ARHGAP10: variants seen among roughly 807,000 people sequenced by gnomAD.
ARHGAP10 encodes Rho GTPase activating protein 10.
A neutral mutation model predicts 108.6 loss-of-function variants in ARHGAP10; 87 were observed. The observed-to-expected ratio is 0.80, with a 90% CI of 0.67 to 0.96. The LOEUF (loss-of-function observed/expected upper bound fraction) is 0.96. Ranked by LOEUF, ARHGAP10 falls within the 40% of genes least tolerant of loss-of-function variation. The pLI, the probability that ARHGAP10 is intolerant of heterozygous loss-of-function variation, is 0.00. For synonymous variants in ARHGAP10, 347 were observed against 341.1 expected (o/e 1.02, Z -0.19); for missense variants, 939 against 954.5 (o/e 0.98, Z 0.21).
chr4:147,748,105 C>T (rs1729009835), intron 1 of ARHGAP10, among the ~76,000 whole-genome samples: 1 of 152,200 alleles, frequency 6.6e-6, no homozygotes, highest in African/African-American at 2.4e-5. Flanking sequence ...ATAGGGAGCC[C>T]ATGTAATCTA....
intron 3 of ARHGAP10, among the ~76,000 whole-genome samples, chr4:147,842,326 T>C (rs915993931): frequency 6.6e-6 from 1 of 152,188 alleles, no homozygotes; most frequent in Admixed American, 6.5e-5. Context: ...AGGAAAAATA[T>C]AATGACCTAA....
In ARHGAP10 at chr4:147,852,665, G is replaced by C. The variant is rs76569727; in HGVS notation, c.385-4888G>C. ...CATGGGCCGATTGACGTAAACAAAA[G>C]TTTTTATGTCATATTTCTGGTCTCA... On this transcript the variant is annotated intron_variant, in intron 4 of 22. Coordinates refer to ENST00000336498, the MANE Select transcript of ARHGAP10 (RefSeq NM_024605.4). Among the ~76,000 whole-genome samples, 909 of 134,756 alleles carry C rather than the reference G, an allele frequency of 6.7e-3. 12 individuals carry two copies. The highest frequency in any genetic ancestry group is 0.023 in the African/African-American group (855 of 36,940). 88.4% of individuals were successfully genotyped at this position (134,756 alleles called of 152,430 possible). A position where few individuals can be genotyped will look rare whatever the true frequency, so the allele number is the denominator to read the frequency against.
intron 7 of ARHGAP10, among the ~76,000 whole-genome samples, chr4:147,870,747 A>G (rs1157869951): frequency 1.3e-5 from 2 of 152,192 alleles, no homozygotes; most frequent in East Asian, 3.8e-4. Flanking sequence ...TGTCTCCCGA[A>G]GAATGTGGGG....
intron 19 of ARHGAP10, among the ~76,000 whole-genome samples, chr4:148,039,166 G>A (rs1318812034): frequency 6.6e-6 from 1 of 151,830 alleles, no homozygotes; most frequent in Non-Finnish European, 1.5e-5. Flanking sequence ...CAAGTTAGCT[G>A]AACATCTTAT....
At chr4:147,925,829 T>C (rs1162126780) in intron 13 of ARHGAP10, among the ~76,000 whole-genome samples, 1 of 152,194 alleles carries the variant, frequency 6.6e-6, no homozygotes, top group African/African-American at 2.4e-5. Context: ...CCCTGAGCCC[T>C]GATTCCTCAG....
chr4:147,907,928 T>C (rs1166063785), intron 11 of ARHGAP10, among the ~76,000 whole-genome samples: 2 of 152,122 alleles, frequency 1.3e-5, no homozygotes, highest in African/African-American at 2.4e-5. Context: ...CTGCAACCTC[T>C]GCCTCCTGGG....
chr4:147,776,890 C>T (rs541271810), intron 1 of ARHGAP10, among the ~76,000 whole-genome samples: 12 of 152,266 alleles, frequency 7.9e-5, no homozygotes, highest in East Asian at 7.7e-4. Flanking sequence ...TTCGTTAGGA[C>T]GATAGTACTA....
intron 1 of ARHGAP10, among the ~76,000 whole-genome samples, chr4:147,813,253 C>G (rs1364416283): frequency 6.6e-6 from 1 of 152,096 alleles, no homozygotes; most frequent in African/African-American, 2.4e-5. Context: ...CGAGTTGTCA[C>G]TCATGGCCTC....
chr4:148,018,483 A>C (rs199718309), intron 18 of ARHGAP10, among the ~76,000 whole-genome samples: 2 of 151,034 alleles, frequency 1.3e-5, no homozygotes, highest in East Asian at 3.9e-4. Flanking sequence ...CAGTTTTACT[A>C]TTTCCTCTTC....
chr4:147,924,564 T>C (rs1737380543), intron 13 of ARHGAP10, among the ~76,000 whole-genome samples: 1 of 152,206 alleles, frequency 6.6e-6, no homozygotes. Flanking sequence ...AAGGTGTTTT[T>C]AGAACAGAAG....
At chr4:147,901,619 A>G (rs538260807) in intron 10 of ARHGAP10, among the ~76,000 whole-genome samples, 1 of 152,272 alleles carries the variant, frequency 6.6e-6, no homozygotes, top group African/African-American at 2.4e-5. Flanking sequence ...ATATAATACT[A>G]CTTTACTTTT....
At chr4:147,756,333 T>C (rs975317888) in intron 1 of ARHGAP10, among the ~76,000 whole-genome samples, 2 of 152,074 alleles carry the variant, frequency 1.3e-5, no homozygotes, top group African/African-American at 2.4e-5. Flanking sequence ...GTATAAAATA[T>C]TGGAATGGCT....
intron 10 of ARHGAP10, among the ~76,000 whole-genome samples, chr4:147,890,865 C>G (rs1225876501): frequency 6.6e-6 from 1 of 151,894 alleles, no homozygotes; most frequent in African/African-American, 2.4e-5. Flanking sequence ...GGCCAATAAA[C>G]ACATGAAAAA....
At chr4:147,838,506 A>C (rs1194833567) in intron 3 of ARHGAP10, among the ~76,000 whole-genome samples, 1 of 148,248 alleles carries the variant, frequency 6.7e-6, no homozygotes, top group Non-Finnish European at 1.5e-5. Context: ...CACACCAAAG[A>C]CTTAACTCTG....
chr4:147,927,953 A>G (rs1737528518), intron 13 of ARHGAP10, among the ~76,000 whole-genome samples: 1 of 152,204 alleles, frequency 6.6e-6, no homozygotes, highest in African/African-American at 2.4e-5. Flanking sequence ...GCTTTCCTCT[A>G]GGCCCTGTCT....
chr4:147,842,487 T>G (rs1197944334), intron 3 of ARHGAP10, among the ~76,000 whole-genome samples: 1 of 152,186 alleles, frequency 6.6e-6, no homozygotes, highest in Non-Finnish European at 1.5e-5. Context: ...ATTTCCTGGG[T>G]CCCATTCTGA....
At chr4:147,948,988 C>T (rs886415815) in intron 15 of ARHGAP10, among the ~76,000 whole-genome samples, 2 of 151,588 alleles carry the variant, frequency 1.3e-5, no homozygotes, top group African/African-American at 2.4e-5. Flanking sequence ...ACAAAAAAAC[C>T]CCCAAAAAAC....
At chr4:147,809,790 A>G (rs1579071132) in intron 1 of ARHGAP10, among the ~76,000 whole-genome samples, 1 of 152,114 alleles carries the variant, frequency 6.6e-6, no homozygotes, top group African/African-American at 2.4e-5. Flanking sequence ...GGAGTGTGCA[A>G]CGTAGATCCC....
At position 148,023,302 on chromosome 4, in the gene ARHGAP10, A is replaced by G; in HGVS notation, c.1756A>G (p.Thr586Ala). The G allele has an allele frequency of 6.2e-7, 1 of 1,614,118 alleles. No individual in the cohort carries two copies. Among genetic ancestry groups the G allele is most frequent in the Non-Finnish European group, 8.5e-7 (1 of 1,179,988 alleles). Reference sequence around the variant, plus strand: ...GCCCGATACTACATTCCCTGAGCCCACCTGCCTGTCAGCATCACCCCCAAA... The same window carrying G: ...GCCCGATACTACATTCCCTGAGCCCGCCTGCCTGTCAGCATCACCCCCAAA... ...TPPDTTFPEP[T>A]CLSASPPNAP... The change falls in exon 19 of 23, where the codon ACC (threonine) becomes GCC (alanine). Residue 586 changes from threonine to alanine, a missense_variant. Coordinates refer to ENST00000336498, the MANE Select transcript of ARHGAP10 (RefSeq NM_024605.4).
Sources: gnomAD v4.1 joint callset for allele counts (sites outside exome capture counted in the v4.1 genomes callset) on GRCh38, gnomAD v4.1.1 for gene constraint, MANE v1.5 for transcripts, NCBI Gene and HGNC (gene_info 2026-07-23, HGNC 2026-07-21) for gene names.